The following LAMA1 variants were observed in gnomAD, a reference collection of about 807,000 sequenced individuals.
LAMA1 encodes the protein laminin subunit alpha 1, also known as laminin subunit alpha-1.
In LAMA1, 219 loss-of-function variants were observed where a neutral mutation model predicts 348.7. That is an observed-to-expected ratio of 0.63 (90% CI 0.56 to 0.70). The LOEUF is 0.70. Among genes scored for constraint, LAMA1 ranks in the 30% least tolerant of loss-of-function variants. The pLI is 0.00. For synonymous variants in LAMA1, 1,487 were observed against 1,491.0 expected, an observed-to-expected ratio of 1.00 and a Z score of 0.06; for missense variants, 3,744 against 3,888.0, an observed-to-expected ratio of 0.96 and a Z score of 0.99.
chr18:7,050,767 G>A lies in LAMA1; in HGVS notation c.515C>T (p.Pro172Leu), dbSNP rs760677373. The A allele has an allele frequency of 3.7e-6, 6 of 1,613,986 alleles. No homozygotes were observed. The highest frequency in any genetic ancestry group is 1.7e-5 in the Admixed American group (1 of 59,990). ...CACTTCATCATCAGCCCTGTAGGTG[G>A]GTGGCCCTCGTCTTGGAGTTATATT... ...RYNITPRRGP[P>L]TYRADDEVIC... Residue 172 changes from proline to leucine, a missense_variant, in exon 4 of 63, where the codon CCC (proline) becomes CTC (leucine). This residue lies in a region of LAMA1 where 1,529 missense variants were observed against 1,689.4 expected (regional missense o/e 0.91). Transcript: ENST00000389658.
intron 3 of LAMA1, among the ~76,000 whole-genome samples, chr18:7,065,501 C>G (rs2058119265): frequency 6.6e-6 from 1 of 152,130 alleles, no homozygotes; most frequent in African/African-American, 2.4e-5. Context: ...AGGTGAATCA[C>G]TTATCACTTG....
chr18:7,051,334 A>G (rs2058061759), intron 3 of LAMA1, among the ~76,000 whole-genome samples: 1 of 152,216 alleles, frequency 6.6e-6, no homozygotes, highest in African/African-American at 2.4e-5. Flanking sequence ...ATCAAGTTGT[A>G]CACCTTAAAT....
At chr18:6,956,587 C>T in intron 56 of LAMA1, 49 bp downstream of exon 56, 5 of 1,613,038 alleles carry the variant, frequency 3.1e-6, no homozygotes, top group Non-Finnish European at 4.2e-6. Context: ...TGTCCTAGGC[C>T]CTCCTTTGCT....
chr18:7,091,230 C>T (rs1418715842), intron 1 of LAMA1, among the ~76,000 whole-genome samples: 7 of 152,190 alleles, frequency 4.6e-5, no homozygotes, highest in African/African-American at 1.7e-4. Context: ...TATTATTGCA[C>T]TTACGCAAAA....
chr18:7,044,132 C>T (rs943895009), intron 7 of LAMA1, among the ~76,000 whole-genome samples: 2 of 128,450 alleles, frequency 1.6e-5, no homozygotes, highest in South Asian at 2.4e-4. Context: ...CACTGCACTC[C>T]AGCGTAGGTG....
chr18:6,952,973 G>A (rs1404607442), intron 57 of LAMA1, among the ~76,000 whole-genome samples: 6 of 146,850 alleles, frequency 4.1e-5, no homozygotes, highest in Admixed American at 4.0e-4. Flanking sequence ...GTCTGCCTGT[G>A]TCCGGCGGAT....
At chr18:7,000,847 G>C (rs1344594332) in intron 30 of LAMA1, among the ~76,000 whole-genome samples, 1 of 152,162 alleles carries the variant, frequency 6.6e-6, no homozygotes, top group Admixed American at 6.5e-5. Context: ...AAATAGTAAA[G>C]GGATAGACTT....
intron 44 of LAMA1, among the ~76,000 whole-genome samples, chr18:6,977,252 T>G (rs751760349): frequency 6.6e-6 from 1 of 152,226 alleles, no homozygotes; most frequent in African/African-American, 2.4e-5. Context: ...TTGTGCAGCC[T>G]TCGTTGCATA....
chr18:6,975,076 G>A (rs1052223947), intron 45 of LAMA1, 40 bp from the exon 46 acceptor site: 3 of 1,605,492 alleles, frequency 1.9e-6, no homozygotes, highest in Non-Finnish European at 2.6e-6. Context: ...TTTACACACT[G>A]GACTGTTTGC....
intron 32 of LAMA1, among the ~76,000 whole-genome samples, chr18:6,998,887 G>T (rs2144089366): frequency 6.6e-6 from 1 of 152,258 alleles, no homozygotes; most frequent in South Asian, 2.1e-4. Context: ...ACAAAAATTA[G>T]CCAGGCAAGG....
At chr18:7,080,740 A>G (rs549921990) in intron 1 of LAMA1, among the ~76,000 whole-genome samples, 2 of 152,320 alleles carry the variant, frequency 1.3e-5, no homozygotes, top group Admixed American at 1.3e-4. Context: ...ATATCTCGAT[A>G]AAGCTTTGGG....
At chr18:7,057,471 CTTTTTTTTTTTT>C (rs552843703) in intron 3 of LAMA1, among the ~76,000 whole-genome samples, 2 of 90,808 alleles carry the variant, frequency 2.2e-5, no homozygotes, top group Non-Finnish European at 4.9e-5. Context: ...CTTTTCTTTT[CTTTTTTTTTTTT>C]TTTTTTTTTG....
chr18:6,966,301 C>T lies in LAMA1; in HGVS notation c.6900-4G>A. The T allele has an allele frequency of 6.2e-7, 1 of 1,612,838 alleles. No homozygotes were observed. The highest frequency in any genetic ancestry group is 8.5e-7 in the Non-Finnish European group (1 of 1,179,568). ...GGAAGGGTCTTCATTCTGGGAGCTG[C>T]AAAGCAGAAGAGATGAAATAGAATC... is the stretch of plus-strand genomic sequence containing the variant. On this transcript the variant is annotated splice_region_variant and splice_polypyrimidine_tract_variant and intron_variant, in intron 48 of 62. Coordinates refer to ENST00000389658, the MANE Select transcript of LAMA1 (RefSeq NM_005559.4).
intron 3 of LAMA1, among the ~76,000 whole-genome samples, chr18:7,057,525 A>AGTG (rs1290702403): frequency 1.5e-5 from 2 of 131,748 alleles, no homozygotes; most frequent in Non-Finnish European, 3.1e-5. Flanking sequence ...CCCAGGCTGG[A>AGTG]GTGCAATGGC....
intron 3 of LAMA1, among the ~76,000 whole-genome samples, chr18:7,053,316 A>G (rs1367319273): frequency 1.3e-5 from 2 of 152,200 alleles, no homozygotes. Context: ...ACCAAGAGGG[A>G]ACCCTCAGGT....
intron 1 of LAMA1, among the ~76,000 whole-genome samples, chr18:7,112,070 T>C (rs1413233712): frequency 3.4e-5 from 5 of 148,260 alleles, no homozygotes; most frequent in Admixed American, 6.6e-5. Context: ...TTCTAAAATA[T>C]ATTTTTTAAA....
At chr18:7,045,441 G>A (rs1598295542) in intron 6 of LAMA1, among the ~76,000 whole-genome samples, 2 of 151,812 alleles carry the variant, frequency 1.3e-5, no homozygotes, top group South Asian at 2.1e-4. Flanking sequence ...CTGCACTCCA[G>A]CATGGACAAC....
chr18:6,991,519 T>A (rs2057758804), intron 36 of LAMA1, among the ~76,000 whole-genome samples: 1 of 151,456 alleles, frequency 6.6e-6, no homozygotes, highest in Non-Finnish European at 1.5e-5. Context: ...GCCTCCCGAG[T>A]AGCTGAGATT....
At chr18:6,955,147 A>G (rs2057569318) in intron 57 of LAMA1, 1 of 597,552 alleles carries the variant, frequency 1.7e-6, no homozygotes, top group Non-Finnish European at 3.0e-6. Context: ...GGGAAAAGGC[A>G]GAAACCACAG....
Sources: allele counts gnomAD v4.1 joint callset (sites outside exome capture counted in the v4.1 genomes callset), GRCh38; gene constraint gnomAD v4.1.1; regional missense constraint gnomAD v4.1.1; transcripts MANE v1.5; gene names NCBI Gene and HGNC (gene_info 2026-07-23, HGNC 2026-07-21).